The following ZBTB20 variants were observed in gnomAD, a reference collection of about 807,000 sequenced individuals.
ZBTB20 encodes zinc finger and BTB domain-containing protein 20.
Under a neutral mutation model 56.9 loss-of-function variants are expected in ZBTB20, and 9 were observed. The ratio of observed to expected loss-of-function variants is 0.16; its 90% CI spans 0.10 to 0.28. ZBTB20 has a LOEUF of 0.28. Ranked by LOEUF, ZBTB20 falls within the 10% of genes least tolerant of loss-of-function variation. The pLI, the probability that ZBTB20 is intolerant of heterozygous loss-of-function variation, is 1.00. For synonymous variants in ZBTB20, 417 were observed against 420.7 expected, an observed-to-expected ratio of 0.99 and a Z score of 0.11; for missense variants, 655 against 1,003.0, an observed-to-expected ratio of 0.65 and a Z score of 4.69.
chr3:114,988,503 A>T (rs1371762301), intron 2 of ZBTB20, among the ~76,000 whole-genome samples: 2 of 152,036 alleles, frequency 1.3e-5, no homozygotes, highest in South Asian at 2.1e-4. Context: ...TCTATCATTG[A>T]TGGACATTTG....
chr3:114,433,886 A>G (rs1295433845), intron 7 of ZBTB20, among the ~76,000 whole-genome samples: 1 of 152,182 alleles, frequency 6.6e-6, no homozygotes, highest in Non-Finnish European at 1.5e-5. Context: ...TACAACTTTA[A>G]GTCAACTTAC....
At chr3:114,534,283 T>C (rs1451439713) in intron 6 of ZBTB20, among the ~76,000 whole-genome samples, 1 of 151,648 alleles carries the variant, frequency 6.6e-6, no homozygotes, top group African/African-American at 2.4e-5. Context: ...AATAAAGGAA[T>C]GGAGGAATAT....
chr3:114,347,851 C>T (rs975114582), intron 11 of ZBTB20, among the ~76,000 whole-genome samples: 6 of 152,160 alleles, frequency 3.9e-5, no homozygotes, highest in African/African-American at 1.4e-4. Flanking sequence ...CACACCATTA[C>T]AATAACATTC....
intron 7 of ZBTB20, among the ~76,000 whole-genome samples, chr3:114,392,849 A>G (rs1254750961): frequency 6.6e-6 from 1 of 152,192 alleles, no homozygotes; most frequent in Non-Finnish European, 1.5e-5. Flanking sequence ...CTCTCACCCA[A>G]AGATGAAAAG....
intron 5 of ZBTB20, among the ~76,000 whole-genome samples, chr3:114,799,613 T>A (rs894300082): frequency 1.3e-5 from 2 of 151,816 alleles, no homozygotes; most frequent in Non-Finnish European, 2.9e-5. Context: ...GTGCCAAGGG[T>A]TAGAAATTAC....
chr3:114,808,196 G>A (rs6767926), intron 4 of ZBTB20, among the ~76,000 whole-genome samples: 2,510 of 151,976 alleles, frequency 0.017, 75 homozygotes, highest in African/African-American at 0.056. Flanking sequence ...GGTAATTTGC[G>A]CATTTCTAAG....
At chr3:114,613,299 A>G (rs147894544) in intron 6 of ZBTB20, among the ~76,000 whole-genome samples, 37 of 152,328 alleles carry the variant, frequency 2.4e-4, no homozygotes, top group Non-Finnish European at 4.9e-4. Flanking sequence ...TAGGTGTACA[A>G]TGAGGTCAGC....
intron 6 of ZBTB20, among the ~76,000 whole-genome samples, chr3:114,684,007 C>T (rs1330647305): frequency 6.6e-6 from 1 of 152,072 alleles, no homozygotes; most frequent in Non-Finnish European, 1.5e-5. Context: ...TAGGCTGCAT[C>T]TTCTTTATTA....
intron 7 of ZBTB20, among the ~76,000 whole-genome samples, chr3:114,426,244 C>G (rs1333147328): frequency 1.3e-5 from 2 of 149,760 alleles, no homozygotes; most frequent in Non-Finnish European, 2.9e-5. Flanking sequence ...GAGGCTGAGG[C>G]AGGAGAATGG....
At chr3:114,807,402 G>A (rs2072192855) in intron 4 of ZBTB20, among the ~76,000 whole-genome samples, 1 of 151,470 alleles carries the variant, frequency 6.6e-6, no homozygotes, top group Non-Finnish European at 1.5e-5. Context: ...CTGCTGGTCT[G>A]TCTAACCCTT....
Position 114,327,127 on chromosome 3 carries a change from G to A in ZBTB20, c.*11878C>T, listed in dbSNP as rs1484494601. The A allele has an allele frequency of 1.3e-5, 2 of 152,146 alleles. No individual in the cohort carries two copies. Among genetic ancestry groups the A allele is most frequent in the Admixed American group, 1.3e-4 (2 of 15,266 alleles). 9.4% of individuals were successfully genotyped at this position (152,146 alleles called of 1,614,324 possible). ...GACAGGTGTCAGCTTGGAAAGACAG[G>A]AGGCTCATAAGCAATAATAAATTCA... is the stretch of plus-strand genomic sequence containing the variant. On this transcript the variant is annotated 3_prime_UTR_variant, in exon 12 of 12. Coordinates refer to ENST00000675478, the MANE Select transcript of ZBTB20 (RefSeq NM_001348800.3).
At chr3:114,349,087 C>T (rs2080426269) in intron 11 of ZBTB20, among the ~76,000 whole-genome samples, 1 of 151,510 alleles carries the variant, frequency 6.6e-6, no homozygotes, top group African/African-American at 2.4e-5. Context: ...GTAGACCCAG[C>T]TACTTGGGAG....
At chr3:114,534,877 C>T (rs1438253107) in intron 6 of ZBTB20, among the ~76,000 whole-genome samples, 1 of 152,198 alleles carries the variant, frequency 6.6e-6, no homozygotes, top group African/African-American at 2.4e-5. Flanking sequence ...GAACAACCTG[C>T]TCCTGAATGA....
chr3:114,795,860 T>C (rs1278210654), intron 5 of ZBTB20, among the ~76,000 whole-genome samples: 1 of 152,122 alleles, frequency 6.6e-6, no homozygotes, highest in African/African-American at 2.4e-5. Context: ...AATGATTCTA[T>C]TGTGGTAGAC....
intron 6 of ZBTB20, among the ~76,000 whole-genome samples, chr3:114,598,834 T>A (rs1014352329): frequency 6.6e-6 from 1 of 152,112 alleles, no homozygotes; most frequent in Non-Finnish European, 1.5e-5. Context: ...AAGCATGAAG[T>A]ATATCAACAA....
intron 7 of ZBTB20, among the ~76,000 whole-genome samples, chr3:114,409,857 T>C (rs2087757959): frequency 6.6e-6 from 1 of 152,174 alleles, no homozygotes; most frequent in Admixed American, 6.5e-5. Context: ...TTAGAGACTT[T>C]GTTTAGTGAA....
intron 2 of ZBTB20, among the ~76,000 whole-genome samples, chr3:115,045,223 T>A (rs1257450758): frequency 6.6e-6 from 1 of 152,186 alleles, no homozygotes; most frequent in African/African-American, 2.4e-5. Flanking sequence ...ACATTCTTAT[T>A]CAATTTCTCT....
chr3:114,349,135 G>A (rs1388617883), intron 11 of ZBTB20, among the ~76,000 whole-genome samples: 1 of 151,228 alleles, frequency 6.6e-6, no homozygotes, highest in Non-Finnish European at 1.5e-5. Context: ...GGGAGGTTGA[G>A]GCTGCAGTGA....
chr3:114,747,929 A>AAAAAAAC (rs2067175016), intron 5 of ZBTB20, among the ~76,000 whole-genome samples: 1 of 2,090 alleles, frequency 4.8e-4, no homozygotes, highest in African/African-American at 4.9e-4. Context: ...AAAAAAAAAA[A>AAAAAAAC]AAAAAAAAAA....
Sources: allele counts gnomAD v4.1 joint callset (sites outside exome capture counted in the v4.1 genomes callset), GRCh38; gene constraint gnomAD v4.1.1; transcripts MANE v1.5; gene names NCBI Gene and HGNC (gene_info 2026-07-23, HGNC 2026-07-21).